The following MAEA variants were observed in gnomAD, a reference collection of about 807,000 sequenced individuals.
MAEA encodes the protein E3 ubiquitin-protein transferase MAEA.
MAEA carries 22 observed loss-of-function variants against 46.2 expected under a neutral mutation model. The observed-to-expected ratio is 0.48, with a 90% CI of 0.34 to 0.68. The LOEUF (loss-of-function observed/expected upper bound fraction) is 0.68, where lower values mean the gene tolerates loss of function less well. MAEA is among the 30% of genes least tolerant of loss of function. MAEA has a pLI of 0.01. For synonymous variants in MAEA, 246 were observed against 222.6 expected, an observed-to-expected ratio of 1.11 and a Z score of -0.94; for missense variants, 393 against 558.1, an observed-to-expected ratio of 0.70 and a Z score of 2.98.
Position 1,338,569 on chromosome 4 carries a change from G to A in MAEA, c.1047G>A (p.Glu349=), listed in dbSNP as rs779144258. 2.5e-6 allele frequency: 4 copies of A among 1,613,102 alleles called. No homozygotes were observed. The highest frequency in any genetic ancestry group is 3.4e-6 in the Non-Finnish European group (4 of 1,179,942). ...VCKISGDVMN[E]NNPPMMLPNG... ...AGATTTCTGGCGACGTGATGAACGA[G>A]AACAATCCGCCCATGATGCTGCCCA... The change falls in exon 8 of 9, where the codon GAG becomes GAA. Residue 349 remains glutamate (E), a synonymous_variant. Coordinates refer to ENST00000303400, the MANE Select transcript of MAEA (RefSeq NM_001017405.3).
At chr4:1,294,091 C>T (rs977909556) in intron 1 of MAEA, among the ~76,000 whole-genome samples, 9 of 152,206 alleles carry the variant, frequency 5.9e-5, no homozygotes, top group South Asian at 2.1e-4. Flanking sequence ...CTTCTGTGGC[C>T]GGCTTTTTCG....
intron 3 of MAEA, among the ~76,000 whole-genome samples, chr4:1,317,920 C>G (rs1328035009): frequency 1.3e-5 from 2 of 152,198 alleles, no homozygotes; most frequent in African/African-American, 4.8e-5. Context: ...GATGCCTCTG[C>G]CGTGCTGCCC....
chr4:1,322,516 C>T lies in MAEA; in HGVS notation c.579+13C>T, dbSNP rs1196974467. On this transcript the variant is annotated intron_variant, in intron 4 of 8. Coordinates refer to ENST00000303400, the MANE Select transcript of MAEA (RefSeq NM_001017405.3). ...CCGGAAGATGAAGGTGCACGGACTC[C>T]CAGGTTGGGGTGGGAGTGGGTCGGG... The T allele has an allele frequency of 3.7e-6, 6 of 1,613,104 alleles. No homozygotes were observed. The South Asian group carries it at 6.6e-5, about 18-fold the overall frequency.
chr4:1,291,196 C>G (rs1024460796), intron 1 of MAEA, among the ~76,000 whole-genome samples: 10 of 152,164 alleles, frequency 6.6e-5, no homozygotes, highest in African/African-American at 2.4e-4. Flanking sequence ...CGGGGTTTCA[C>G]TGTTGCCTAG....
At chr4:1,290,215 C>T (rs1733961837) in intron 1 of MAEA, among the ~76,000 whole-genome samples, 1 of 151,992 alleles carries the variant, frequency 6.6e-6, no homozygotes, top group African/African-American at 2.4e-5. Flanking sequence ...GCTTGAAGAG[C>T]TGCGTGAGCC....
intron 1 of MAEA, among the ~76,000 whole-genome samples, chr4:1,294,141 C>T (rs1172241696): frequency 6.6e-6 from 1 of 152,248 alleles, no homozygotes; most frequent in African/African-American, 2.4e-5. Flanking sequence ...CCTCCAGAAT[C>T]CGCCCGGTCT....
rs1354431435 is a variant in MAEA at position 1,301,736 on chromosome 4, A to T, written c.70-10243A>T. 2.0e-5 allele frequency among the ~76,000 whole-genome samples: 3 copies of T among 152,214 alleles called. No homozygotes were observed. The East Asian group carries it at 5.8e-4, about 29-fold the overall frequency. On this transcript the variant is annotated intron_variant, in intron 1 of 8. Coordinates refer to ENST00000303400, the MANE Select transcript of MAEA (RefSeq NM_001017405.3). The stretch of plus-strand genomic sequence containing the variant: ...TAAGTAAGTGAATAAGTAAAAATAA[A>T]TAAGCACTGGACAAGGGACACAGAC...
chr4:1,335,369 T>A (rs978383837), intron 6 of MAEA: 2 of 985,376 alleles, frequency 2.0e-6, no homozygotes, highest in Admixed American at 6.1e-5. Context: ...CACAAGTGAG[T>A]GTAGCAGAGT....
At chr4:1,297,130 C>G (rs1734812049) in intron 1 of MAEA, among the ~76,000 whole-genome samples, 1 of 152,228 alleles carries the variant, frequency 6.6e-6, no homozygotes, top group Non-Finnish European at 1.5e-5. Context: ...CCTTGGGGCC[C>G]CAGACGAGCC....
At position 1,309,387 on chromosome 4, in the gene MAEA, G is replaced by C. The variant is rs1577161290; in HGVS notation, c.70-2592G>C. ...CCAGGCCAGTGGAGGGGAGCTTTTA[G>C]GGCCCGGAGTCACGTGCTGAGTCCC... On this transcript the variant is annotated intron_variant, in intron 1 of 8. Coordinates refer to ENST00000303400, the MANE Select transcript of MAEA (RefSeq NM_001017405.3). The C allele has an allele frequency of 2.4e-6, 3 of 1,242,880 alleles. No individual in the cohort carries two copies. In the East Asian group the frequency reaches 9.4e-5, roughly 39 times the overall value. 77.0% of individuals were successfully genotyped at this position (1,242,880 alleles called of 1,614,324 possible). A position where few individuals can be genotyped will look rare whatever the true frequency, so the allele number is the denominator to read the frequency against.
intron 8 of MAEA, chr4:1,338,842 G>A: frequency 1.5e-6 from 1 of 651,848 alleles, no homozygotes; most frequent in Non-Finnish European, 2.6e-6. Flanking sequence ...TCGCCATTGG[G>A]ACAGGGCTGT....
intron 4 of MAEA, among the ~76,000 whole-genome samples, chr4:1,325,123 G>T (rs946310907): frequency 2.0e-5 from 3 of 152,214 alleles, no homozygotes; most frequent in African/African-American, 7.2e-5. Context: ...ACGCCAGGGG[G>T]TGTGTGGGGA....
chr4:1,291,703 C>T (rs1045679004), intron 1 of MAEA, among the ~76,000 whole-genome samples: 1 of 152,188 alleles, frequency 6.6e-6, no homozygotes, highest in Non-Finnish European at 1.5e-5. Flanking sequence ...GAAATCCTTT[C>T]ATTGTGTATT....
chr4:1,295,606 C>G (rs1275162204), intron 1 of MAEA, among the ~76,000 whole-genome samples: 1 of 151,798 alleles, frequency 6.6e-6, no homozygotes, highest in Non-Finnish European at 1.5e-5. Flanking sequence ...TGCACCTGCT[C>G]CCACACCCGT....
intron 5 of MAEA, chr4:1,329,898 C>T: frequency 1.0e-6 from 1 of 985,574 alleles, no homozygotes; most frequent in East Asian, 1.1e-4. Flanking sequence ...GCAGGAGCTT[C>T]CCGTCCACCT....
At chr4:1,296,682 C>G (rs147314473) in intron 1 of MAEA, among the ~76,000 whole-genome samples, 108 of 152,016 alleles carry the variant, frequency 7.1e-4, no homozygotes, top group African/African-American at 2.3e-3. Flanking sequence ...TGTCTCTGCC[C>G]CTTCATGTCT....
chr4:1,321,730 G>A (rs1189118116), intron 3 of MAEA, among the ~76,000 whole-genome samples: 2 of 152,156 alleles, frequency 1.3e-5, no homozygotes, highest in Admixed American at 1.3e-4. Flanking sequence ...GCCTTGCCGT[G>A]CCTGGTGGAG....
chr4:1,304,802 T>C (rs943739604), intron 1 of MAEA, among the ~76,000 whole-genome samples: 8 of 152,200 alleles, frequency 5.3e-5, no homozygotes, highest in African/African-American at 1.9e-4. Flanking sequence ...AAATAAAATA[T>C]ATTAAAACAC....
At chr4:1,326,950 G>A (rs1738918009) in intron 4 of MAEA, among the ~76,000 whole-genome samples, 1 of 151,944 alleles carries the variant, frequency 6.6e-6, no homozygotes, top group Non-Finnish European at 1.5e-5. Context: ...TCATGCCCCT[G>A]TGAGGCACCA....
Sources: gnomAD v4.1 joint callset for allele counts (sites outside exome capture counted in the v4.1 genomes callset) on GRCh38, gnomAD v4.1.1 for gene constraint, MANE v1.5 for transcripts, NCBI Gene and HGNC (gene_info 2026-07-23, HGNC 2026-07-21) for gene names.